The following MATN4 variants were observed in gnomAD, a reference collection of about 807,000 sequenced individuals.
MATN4 encodes the protein matrilin-4.
A neutral mutation model predicts 54.6 loss-of-function variants in MATN4; 40 were observed. That is an observed-to-expected ratio of 0.73 (90% CI 0.57 to 0.95). MATN4 has a LOEUF of 0.95. MATN4 is among the 40% of genes least tolerant of loss of function. The probability of loss-of-function intolerance (pLI) is 0.00; values close to 1 mark genes in which losing one functional copy is unlikely to be tolerated. For missense variants in MATN4, 810 were observed against 819.1 expected, an observed-to-expected ratio of 0.99 and a Z score of 0.13; for synonymous variants, 351 against 345.3, an observed-to-expected ratio of 1.02 and a Z score of -0.18.
At position 45,295,801 on chromosome 20, in the gene MATN4, A is replaced by G. The variant is rs115875335; in HGVS notation, c.1580-1786T>C. 8.2e-3 allele frequency among the ~76,000 whole-genome samples: 1,255 copies of G among 152,370 alleles called. 16 individuals are homozygous for G. Among genetic ancestry groups the G allele is most frequent in the African/African-American group, 0.028 (1,163 of 41,588 alleles). ...CACATCAACATCTTGGGGGTTGGGC[A>G]GGAGGCCTTACAATTAAAACTGGCA... On this transcript the variant is annotated intron_variant, in intron 8 of 9. Transcript: ENST00000372756.
rs1015415420 is a variant in MATN4 at position 45,298,660 on chromosome 20, T to C, written c.1013-77A>G. ...AGCTGTCTATCCATCTAGTCGTTCA[T>C]TCGCAAACATTTATTATATAACAGA... On this transcript the variant is annotated intron_variant, in intron 6 of 9. Coordinates refer to ENST00000372756, the MANE Select transcript of MATN4 (RefSeq NM_001393530.1). This position sits in a 1 kb window ranked among gnomAD's most constrained non-coding sequence, Gnocchi z 4.6. The C allele has an allele frequency of 1.7e-6, 2 of 1,169,114 alleles. No homozygotes were observed. Among genetic ancestry groups the C allele is most frequent in the African/African-American group, 1.5e-5 (1 of 64,766 alleles). 72.4% of individuals were successfully genotyped at this position (1,169,114 alleles called of 1,614,324 possible). A position where few individuals can be genotyped will look rare whatever the true frequency, so the allele number is the denominator to read the frequency against.
At chr20:45,294,054 T>C in intron 8 of MATN4, 39 bp from the exon 9 acceptor site, 1 of 1,526,416 alleles carries the variant, frequency 6.6e-7, no homozygotes, top group South Asian at 1.1e-5. Flanking sequence ...GATGAGAAAT[T>C]GCCCTAGCTT....
intron 1 of MATN4, 60 bp downstream of exon 1, chr20:45,308,115 A>G: frequency 2.0e-6 from 3 of 1,536,280 alleles, no homozygotes; most frequent in Non-Finnish European, 2.7e-6. Flanking sequence ...CACTCGCCTG[A>G]CCTGGCTTGA....
chr20:45,304,533 G>A lies in MATN4; in HGVS notation c.338C>T (p.Thr113Met), dbSNP rs998642061. The A allele has an allele frequency of 3.1e-6, 5 of 1,595,286 alleles. No individual in the cohort carries two copies. Among genetic ancestry groups the A allele is most frequent in the African/African-American group, 1.3e-5 (1 of 74,604 alleles). The change falls in exon 3 of 10, where the codon ACG (threonine) becomes ATG (methionine). Residue 113 changes from threonine to methionine, a missense_variant. Physicochemically the swap from Thr to Met is moderately conservative, Grantham distance 81. Coordinates refer to ENST00000372756, the MANE Select transcript of MATN4 (RefSeq NM_001393530.1). Reference protein sequence around the residue: ...DLVPLAQGTMTGLAIQYAMNV... With the variant: ...DLVPLAQGTMMGLAIQYAMNV... The stretch of plus-strand genomic sequence containing the variant: ...CATGGCGTACTGGATTGCCAGTCCC[G>A]TCATGGTGCCTTGCGCCAGAGGCAC...
At chr20:45,306,152 A>C (rs1243718835) in intron 1 of MATN4, among the ~76,000 whole-genome samples, 2 of 152,104 alleles carry the variant, frequency 1.3e-5, no homozygotes, top group Non-Finnish European at 1.5e-5. Context: ...CAAATATGCA[A>C]AATTTAAACA....
At chr20:45,301,482 CCTT>C in intron 3 of MATN4, 39 bp from the exon 4 acceptor site, 1 of 1,599,420 alleles carries the variant, frequency 6.3e-7, no homozygotes, top group Non-Finnish European at 8.5e-7. Context: ...CCAGGACTGC[CCTT>C]CTCAGCTCTG....
chr20:45,300,471 A>G (rs1165233316), intron 6 of MATN4, among the ~76,000 whole-genome samples: 1 of 152,138 alleles, frequency 6.6e-6, no homozygotes, highest in Non-Finnish European at 1.5e-5. Context: ...GAAATAATAT[A>G]ACTCTTTCTA....
rs574582508 is a variant in MATN4, at chr20:45,293,755, C to T, written c.*12G>A. The T allele has an allele frequency of 9.6e-5, 154 of 1,602,586 alleles. No individual in the cohort carries two copies. In the South Asian group the frequency reaches 1.5e-3, roughly 15 times the overall value. The stretch of plus-strand genomic sequence containing the variant: ...GCCGCGCCCCAGCCCGGGTCTGGGC[C>T]GTCCGTGGCCCTCACTTCTGGTTGG... On this transcript the variant is annotated 3_prime_UTR_variant, in exon 10 of 10. Coordinates refer to ENST00000372756, the MANE Select transcript of MATN4 (RefSeq NM_001393530.1).
rs774061165 is a variant in MATN4, at chr20:45,308,234, C to A, written c.-94G>T. ...AGAGCGAAGCCGACAGGCGGAGCCT[C>A]CCGGGCACTTGGACCAGGTAACGGC... On this transcript the variant is annotated 5_prime_UTR_variant, in exon 1 of 10. Coordinates refer to ENST00000372756, the MANE Select transcript of MATN4 (RefSeq NM_001393530.1). 6.2e-7 allele frequency: 1 copy of A among 1,613,418 alleles called. No individual in the cohort carries two copies. Among genetic ancestry groups the A allele is most frequent in the Admixed American group, 1.7e-5 (1 of 60,022 alleles).
In MATN4 at chr20:45,298,412, G is replaced by A. The variant is rs1322577725; in HGVS notation, c.1184C>T (p.Thr395Ile). ...GCCGTAGCGACCCAGAGGGAACTCG[G>A]TGCGCACGCGGCTCGAGAACTGCAC... ...GLVQFSSRVR[T>I]EFPLGRYGTA... The change falls in exon 7 of 10, where the codon ACC becomes ATC. Residue 395 changes from threonine to isoleucine, a missense_variant. Transcript: ENST00000372756. This position sits in a 1 kb window ranked among gnomAD's most constrained non-coding sequence, Gnocchi z 4.6. The A allele has an allele frequency of 6.2e-7, 1 of 1,612,920 alleles. No individual in the cohort carries two copies. The highest frequency in any genetic ancestry group is 2.2e-5 in the East Asian group (1 of 44,896).
rs1315195639 is a variant in MATN4 at position 45,304,400 on chromosome 20, C to T, written c.471G>A (p.Val157=). The change falls in exon 3 of 10, where the codon GTG becomes GTA. Residue 157 remains valine (V), a synonymous_variant. Transcript: ENST00000372756. Reference sequence around the variant, plus strand: ...TGCCGCGGGCGCGCGCCTGTGCCGCCACCTCGGCCACGCGGTCCTGGGGCC... The same window carrying T: ...TGCCGCGGGCGCGCGCCTGTGCCGCTACCTCGGCCACGCGGTCCTGGGGCC... ...DGRPQDRVAE[V]AAQARARGIE... 1 of 1,504,624 alleles carries T rather than the reference C, an allele frequency of 6.6e-7. No homozygotes were observed. The highest frequency in any genetic ancestry group is 1.4e-5 in the African/African-American group (1 of 70,590). 93.2% of individuals were successfully genotyped at this position (1,504,624 alleles called of 1,614,324 possible).
chr20:45,293,904 A>C lies in MATN4; in HGVS notation c.1687+4T>G. On this transcript the variant is annotated splice_donor_region_variant and intron_variant, in intron 9 of 9. Coordinates refer to ENST00000372756, the MANE Select transcript of MATN4 (RefSeq NM_001393530.1). ...CAGCCCGCGCCACCAGCCCCAAAGGATATGGTTCAGCGTCAGGCTCTCGAG... is the reference window on the plus strand; with the variant it reads ...CAGCCCGCGCCACCAGCCCCAAAGGCTATGGTTCAGCGTCAGGCTCTCGAG... 1 of 1,605,222 alleles carries C rather than the reference A, an allele frequency of 6.2e-7. No homozygotes were observed.
chr20:45,293,978 T>C lies in MATN4; in HGVS notation c.1617A>G (p.Pro539=). The C allele has an allele frequency of 6.2e-7, 1 of 1,603,554 alleles. No homozygotes were observed. Among genetic ancestry groups the C allele is most frequent in the Non-Finnish European group, 8.5e-7 (1 of 1,179,680 alleles). ...GISAGTELRS[P]CECESLVEFQ... is the part of the protein sequence containing the mutation. ...ACTCCACGAGGCTTTCGCATTCGCATGGGCTCCGAAGCTCTGTCCCTGCGC... is the reference window on the plus strand; with the variant it reads ...ACTCCACGAGGCTTTCGCATTCGCACGGGCTCCGAAGCTCTGTCCCTGCGC... The change falls in exon 9 of 10, where the codon CCA becomes CCG. Residue 539 remains proline, a synonymous_variant. Coordinates refer to ENST00000372756, the MANE Select transcript of MATN4 (RefSeq NM_001393530.1).
At position 45,298,901 on chromosome 20, in the gene MATN4, A is replaced by G. The variant is rs914204996; in HGVS notation, c.1013-318T>C. On this transcript the variant is annotated intron_variant, in intron 6 of 9. Coordinates refer to ENST00000372756, the MANE Select transcript of MATN4 (RefSeq NM_001393530.1). This position sits in a 1 kb window ranked among gnomAD's most constrained non-coding sequence, Gnocchi z 4.6. ...ATTTATTGATCATCTACTATGTATC[A>G]GGCACACTTCTAAGCACTCTACCAG... 6.6e-6 allele frequency among the ~76,000 whole-genome samples: 1 copy of G among 152,178 alleles called. No individual in the cohort carries two copies. Among genetic ancestry groups the G allele is most frequent in the Admixed American group, 6.6e-5 (1 of 15,266 alleles).
chr20:45,294,346 G>A lies in MATN4; in HGVS notation c.1580-331C>T, dbSNP rs540675134. Reference sequence around the variant, plus strand: ...CCTTAATGCTCATTGGAATCATCAGGAGAGCTTGTTAAAATATAGATTCTG... The same window carrying A: ...CCTTAATGCTCATTGGAATCATCAGAAGAGCTTGTTAAAATATAGATTCTG... On this transcript the variant is annotated intron_variant, in intron 8 of 9. Transcript: ENST00000372756. Among the ~76,000 whole-genome samples the A allele has an allele frequency of 9.9e-4, 150 of 152,176 alleles. 1 individual carries two copies. The highest frequency in any genetic ancestry group is 1.9e-3 in the Non-Finnish European group (132 of 68,038).
At position 45,297,840 on chromosome 20, in the gene MATN4, C is replaced by T; in HGVS notation, c.1579+78G>A. ...CCTCTGGCTATAACTACAAAGTGGGCAGGGAGTGAATAGGAAGGGGAGATA... is the reference window on the plus strand; with the variant it reads ...CCTCTGGCTATAACTACAAAGTGGGTAGGGAGTGAATAGGAAGGGGAGATA... On this transcript the variant is annotated intron_variant, in intron 8 of 9. Transcript: ENST00000372756. 3 of 1,547,366 alleles carry T rather than the reference C, an allele frequency of 1.9e-6. No individual in the cohort carries two copies. In the South Asian group the frequency reaches 3.4e-5, roughly 18 times the overall value.
Position 45,304,617 on chromosome 20 carries a change from A to G in MATN4, c.254T>C (p.Val85Ala). The change falls in exon 3 of 10, where the codon GTC (valine) becomes GCC (alanine). Residue 85 changes from valine to alanine, a missense_variant. Physicochemically the swap from Val to Ala is moderately conservative, Grantham distance 64. Coordinates refer to ENST00000372756, the MANE Select transcript of MATN4 (RefSeq NM_001393530.1). ...GCGAGAGAACGCGCGGAGAGGGAAG[A>G]CGCTCTGCACTTGACTCGAATACTG... is the stretch of plus-strand genomic sequence containing the variant. The part of the protein sequence containing the change: ...VIQYSSQVQS[V>A]FPLRAFSRRE... 6.2e-7 allele frequency: 1 copy of G among 1,603,894 alleles called. No individual in the cohort carries two copies. The highest frequency in any genetic ancestry group is 8.5e-7 in the Non-Finnish European group (1 of 1,172,066).
intron 3 of MATN4, 93 bp from the exon 4 acceptor site, chr20:45,301,536 C>A: frequency 7.3e-7 from 1 of 1,362,696 alleles, no homozygotes; most frequent in Non-Finnish European, 9.9e-7. Context: ...AATACCTACG[C>A]CTGGGCCCCA....
chr20:45,304,941 C>T, intron 2 of MATN4, 144 bp from the exon 3 acceptor site: 1 of 566,202 alleles, frequency 1.8e-6, no homozygotes, highest in East Asian at 3.0e-5. Flanking sequence ...TGCACTCGCC[C>T]GGCATGTGCC....
Sources: allele counts gnomAD v4.1 joint callset (sites outside exome capture counted in the v4.1 genomes callset), GRCh38; gene constraint gnomAD v4.1.1; non-coding constraint Gnocchi (gnomAD v3.1); transcripts MANE v1.5; gene names NCBI Gene and HGNC (gene_info 2026-07-23, HGNC 2026-07-21).